ADCY9: variants seen among roughly 807,000 people sequenced by gnomAD.
ADCY9 encodes adenylate cyclase type 9.
Under a neutral mutation model 101.5 loss-of-function variants are expected in ADCY9, and 50 were observed. The ratio of observed to expected loss-of-function variants is 0.49; its 90% confidence interval spans 0.39 to 0.62. The LOEUF (loss-of-function observed/expected upper bound fraction) is 0.62, where lower values mean the gene tolerates loss of function less well. Among genes scored for constraint, ADCY9 ranks in the 20% least tolerant of loss-of-function variants. The probability of loss-of-function intolerance (pLI) is 0.00; values close to 1 mark genes in which losing one functional copy is unlikely to be tolerated. For synonymous variants in ADCY9, 905 were observed against 769.3 expected, an observed-to-expected ratio of 1.18 and a Z score of -2.92; for missense variants, 1,662 against 1,800.4, an observed-to-expected ratio of 0.92 and a Z score of 1.39.
intron 2 of ADCY9, among the ~76,000 whole-genome samples, chr16:4,111,829 A>C (rs150180146): frequency 6.3e-4 from 93 of 147,702 alleles, no homozygotes; most frequent in African/African-American, 1.9e-3. Context: ...TAAAAAAAAA[A>C]AAACACAAAC....
At chr16:4,013,159 G>T (rs1232666102) in intron 2 of ADCY9, among the ~76,000 whole-genome samples, 1 of 152,018 alleles carries the variant, frequency 6.6e-6, no homozygotes, top group Non-Finnish European at 1.5e-5. Flanking sequence ...AAGATGGGAG[G>T]ATCACTTGAG....
intron 6 of ADCY9, among the ~76,000 whole-genome samples, chr16:3,984,633 G>T (rs897108603): frequency 6.6e-6 from 1 of 152,240 alleles, no homozygotes; most frequent in Non-Finnish European, 1.5e-5. Flanking sequence ...GTTGACTCCT[G>T]AGTGTGTCCC....
intron 2 of ADCY9, among the ~76,000 whole-genome samples, chr16:4,028,376 T>C (rs551556474): frequency 2.0e-5 from 3 of 152,232 alleles, no homozygotes; most frequent in South Asian, 4.1e-4. Flanking sequence ...GGTGAATGGA[T>C]GGACACACTG....
chr16:3,956,437 ATCT>A (rs1173408725), intron 5 of ADCY9, among the ~76,000 whole-genome samples: 2 of 146,724 alleles, frequency 1.4e-5, no homozygotes, highest in Non-Finnish European at 3.0e-5. Flanking sequence ...TTAAAGGAAC[ATCT>A]TCTGTTTCTG....
intron 5 of ADCY9, among the ~76,000 whole-genome samples, chr16:3,956,774 C>T (rs113797573): frequency 1.1e-3 from 163 of 151,732 alleles, no homozygotes; most frequent in African/African-American, 2.7e-3. Context: ...AGACTACAGG[C>T]GTGAGCCACC....
Position 4,113,835 on chromosome 16 carries a change from T to G in ADCY9, c.1608A>C (p.Ala536=). 6.2e-7 allele frequency: 1 copy of G among 1,614,206 alleles called. No individual in the cohort carries two copies. The highest frequency in any genetic ancestry group is 1.3e-5 in the African/African-American group (1 of 75,058). ...TTTCGTACCGGTCATCTAAGTATTT[T>G]GCGGTGGCCTCAGAAATGTGAACTT... ...AGKVHISEAT[A]KYLDDRYEME... Residue 536 remains alanine, a synonymous_variant, in exon 2 of 11, where the codon GCA becomes GCC. Coordinates refer to ENST00000294016, the MANE Select transcript of ADCY9 (RefSeq NM_001116.4).
At chr16:4,103,308 G>T (rs1186595775) in intron 2 of ADCY9, among the ~76,000 whole-genome samples, 2 of 152,214 alleles carry the variant, frequency 1.3e-5, no homozygotes, top group Non-Finnish European at 2.9e-5. Flanking sequence ...AGGTCCTTGA[G>T]GCCTTTGCAA....
intron 3 of ADCY9, among the ~76,000 whole-genome samples, chr16:4,003,775 C>T (rs1260456929): frequency 6.6e-6 from 1 of 152,052 alleles, no homozygotes; most frequent in Non-Finnish European, 1.5e-5. Context: ...AAGGGTCTTG[C>T]TTCAAGTTGC....
chr16:4,069,708 C>G (rs889189561), intron 2 of ADCY9, among the ~76,000 whole-genome samples: 2 of 152,126 alleles, frequency 1.3e-5, no homozygotes, highest in Non-Finnish European at 2.9e-5. Flanking sequence ...AGGATTCGGA[C>G]AGTGTTACAG....
intron 2 of ADCY9, among the ~76,000 whole-genome samples, chr16:4,054,695 C>T (rs538267731): frequency 4.6e-5 from 7 of 152,138 alleles, no homozygotes; most frequent in East Asian, 3.9e-4. Context: ...TTCAGCCTCC[C>T]GAGTAGCTGG....
intron 10 of ADCY9, among the ~76,000 whole-genome samples, chr16:3,972,234 CT>C (rs34224958): frequency 0.44 from 63,003 of 144,396 alleles, 15,607 homozygotes; most frequent in Non-Finnish European, 0.59. Context: ...TTTTTCTTTT[CT>C]TTTTTTTTTT....
rs1170090126 is a variant in ADCY9 at position 4,110,376 on chromosome 16, C to CTTTTTT, written c.1693+3368_1693+3373dup. Among the ~76,000 whole-genome samples the CTTTTTT allele has an allele frequency of 5.5e-4, 61 of 110,774 alleles. 9 individuals are homozygous for CTTTTTT. Among genetic ancestry groups the CTTTTTT allele is most frequent in the Middle Eastern group, 6.7e-3 (1 of 150 alleles). The allele number at this position is 110,774 out of a possible 152,430, so 72.7% of individuals were successfully genotyped here. ...AGTTTTGCAATCATACTTATACCTA[C>CTTTTTT]TTTTTTTTTTTTTTTTTTTTTTTTT... On this transcript the variant is annotated intron_variant, in intron 2 of 10. Coordinates refer to ENST00000294016, the MANE Select transcript of ADCY9 (RefSeq NM_001116.4).
chr16:3,998,708 C>CA (rs1165056665), intron 3 of ADCY9, among the ~76,000 whole-genome samples: 136 of 3,592 alleles, frequency 0.038, 32 homozygotes, highest in Middle Eastern at 1. Context: ...AACTCTGTCT[C>CA]AAAAAAAAAA....
At chr16:4,044,322 G>A (rs754484846) in intron 2 of ADCY9, among the ~76,000 whole-genome samples, 3 of 151,358 alleles carry the variant, frequency 2.0e-5, no homozygotes, top group African/African-American at 4.9e-5. Flanking sequence ...ACTCCATCCT[G>A]AGCAACAGAG....
intron 5 of ADCY9, among the ~76,000 whole-genome samples, chr16:3,991,558 C>T (rs1597150103): frequency 1.3e-5 from 2 of 152,078 alleles, no homozygotes; most frequent in South Asian, 2.1e-4. Flanking sequence ...GCCAAGAGTT[C>T]GAGACCCGCC....
At chr16:3,955,151 T>C (rs1248690909) in intron 5 of ADCY9, among the ~76,000 whole-genome samples, 1 of 152,112 alleles carries the variant, frequency 6.6e-6, no homozygotes, top group Non-Finnish European at 1.5e-5. Flanking sequence ...TTTTGTCTCA[T>C]TTGAAATATT....
At chr16:4,011,301 G>C (rs1409024497) in intron 2 of ADCY9, among the ~76,000 whole-genome samples, 2 of 152,190 alleles carry the variant, frequency 1.3e-5, no homozygotes, top group East Asian at 3.9e-4. Context: ...GGAATGGCCA[G>C]GGCTGAGCCA....
intron 2 of ADCY9, among the ~76,000 whole-genome samples, chr16:4,104,841 T>A (rs1200454494): frequency 6.6e-6 from 1 of 152,078 alleles, no homozygotes. Context: ...GTACATTTTA[T>A]CACTCAAAAA....
rs373643256 is a variant in ADCY9 at position 4,103,102 on chromosome 16, A to T, written c.1693+10648T>A. On this transcript the variant is annotated intron_variant, in intron 2 of 10. Coordinates refer to ENST00000294016, the MANE Select transcript of ADCY9 (RefSeq NM_001116.4). ...CACAAAAGATTTTTAAGGATTTTGT[A>T]AGAAAAGGTCAATGTATGAACTAAG... 9.9e-4 allele frequency among the ~76,000 whole-genome samples: 151 copies of T among 152,380 alleles called. 2 individuals carry two copies. Among genetic ancestry groups the T allele is most frequent in the African/African-American group, 3.6e-3 (149 of 41,588 alleles).
Sources: gnomAD v4.1 joint callset for allele counts (sites outside exome capture counted in the v4.1 genomes callset) on GRCh38, gnomAD v4.1.1 for gene constraint, MANE v1.5 for transcripts, NCBI Gene and HGNC (gene_info 2026-07-23, HGNC 2026-07-21) for gene names.